Variants in CCDC22 observed in about 807,000 individuals in gnomAD.
CCDC22 encodes the protein CCC complex scaffolding subunit CCDC22, also known as coiled-coil domain-containing protein 22.
In CCDC22, 4 loss-of-function variants were observed where a neutral mutation model predicts 53.1. The observed-to-expected ratio is 0.08, with a 90% CI of 0.04 to 0.17. CCDC22 has a LOEUF of 0.17. CCDC22 is among the 10% of genes least tolerant of loss of function. The probability of loss-of-function intolerance (pLI) is 1.00; values close to 1 mark genes in which losing one functional copy is unlikely to be tolerated. For missense variants in CCDC22, 458 were observed against 554.0 expected, an observed-to-expected ratio of 0.83 and a Z score of 1.74; for synonymous variants, 222 against 224.4, an observed-to-expected ratio of 0.99 and a Z score of 0.10.
At chrX:49,247,979 T>C (rs782761441) in intron 9 of CCDC22, among the ~76,000 whole-genome samples, 1 of 110,422 alleles carries the variant, frequency 9.1e-6, no homozygotes, top group East Asian at 2.9e-4. Flanking sequence ...GCACCGCGGG[T>C]CTGCATGGGC....
Position 49,248,245 on chromosome X carries a change from C to T in CCDC22, c.1147C>T (p.Leu383=). The T allele has an allele frequency of 1.7e-6, 2 of 1,205,614 alleles. No homozygotes were observed. The highest frequency in any genetic ancestry group is 2.2e-6 in the Non-Finnish European group (2 of 894,702). ...KLSTAEREQA[L]RLKSRAVELL... is the part of the protein sequence containing the mutation. ...CAGTACAGCAGAGCGTGAGCAGGCCCTGCGCCTGAAGAGCCGCGCGGTGGA... is the reference window on the plus strand; with the variant it reads ...CAGTACAGCAGAGCGTGAGCAGGCCTTGCGCCTGAAGAGCCGCGCGGTGGA... The change falls in exon 10 of 17, where the codon CTG becomes TTG. Residue 383 remains leucine (L), a synonymous_variant. Transcript: ENST00000376227.
In CCDC22 at chrX:49,242,118, G is replaced by A. The variant is rs1179864610; in HGVS notation, c.331G>A (p.Asp111Asn). The A allele has an allele frequency of 1.7e-6, 2 of 1,210,642 alleles. No individual in the cohort carries two copies. The highest frequency in any genetic ancestry group is 2.2e-6 in the Non-Finnish European group (2 of 895,087). The stretch of plus-strand genomic sequence containing the variant: ...CTTCTTGGCTGAGCGTCTGCCCACC[G>A]ATGCCTCTGAGGATGCAGACCAGCC... The part of the protein sequence containing the change: ...LLFLAERLPT[D>N]ASEDADQPAG... Residue 111 changes from aspartate to asparagine, a missense_variant, in exon 3 of 17, where the codon GAT becomes AAT. This residue lies in a region of CCDC22 where 55 missense variants were observed against 106.0 expected (regional missense o/e 0.52). Coordinates refer to ENST00000376227, the MANE Select transcript of CCDC22 (RefSeq NM_014008.5).
chrX:49,236,225 C>T (rs1465062437), intron 1 of CCDC22, among the ~76,000 whole-genome samples: 1 of 106,476 alleles, frequency 9.4e-6, no homozygotes, highest in Non-Finnish European at 1.9e-5. Flanking sequence ...TTTCCTTTTC[C>T]GAGATGGAGT....
intron 2 of CCDC22, among the ~76,000 whole-genome samples, chrX:49,238,153 T>C (rs1465543064): frequency 1.9e-5 from 2 of 104,249 alleles, no homozygotes; most frequent in African/African-American, 7.1e-5. Flanking sequence ...AGCTCACGGC[T>C]CACTGCAACC....
rs782654512 is a variant in CCDC22 at position 49,237,315 on chromosome X, A to G, written c.228+52A>G. On this transcript the variant is annotated intron_variant, in intron 2 of 16. Transcript: ENST00000376227. ...CATCCTCTTTCTTCCTCTTTTACAA[A>G]GTAACCAAGTTCCTTTGCAACACTT... is the stretch of plus-strand genomic sequence containing the variant. The G allele has an allele frequency of 5.5e-6, 6 of 1,089,076 alleles. No homozygotes were observed. In the South Asian group the frequency reaches 1.2e-4, roughly 22 times the overall value. 89.8% of individuals were successfully genotyped at this position (1,089,076 alleles called of 1,213,427 possible).
chrX:49,238,393 T>A (rs2065948577), intron 2 of CCDC22, among the ~76,000 whole-genome samples: 1 of 111,531 alleles, frequency 9.0e-6, no homozygotes, highest in African/African-American at 3.3e-5. Flanking sequence ...CGGTCATTCC[T>A]ATAGGACACT....
chrX:49,247,910 G>A (rs1380517862), intron 9 of CCDC22, 142 bp downstream of exon 9: 150 of 850,272 alleles, frequency 1.8e-4, no homozygotes, highest in Non-Finnish European at 1.6e-4. Context: ...GGATCTGTGG[G>A]CCTCTTGAGG....
At chrX:49,236,935 G>T in intron 1 of CCDC22, 151 bp from the exon 2 acceptor site, 1 of 402,537 alleles carries the variant, frequency 2.5e-6, no homozygotes. Context: ...TTTCCAAATG[G>T]AAGTCACAGT....
chrX:49,248,549 G>A, intron 11 of CCDC22, 26 bp downstream of exon 11: 1 of 1,192,363 alleles, frequency 8.4e-7, no homozygotes, highest in Non-Finnish European at 1.1e-6. Context: ...CTGGGCTGTG[G>A]GCGGGCCAGG....
At position 49,248,307 on chromosome X, in the gene CCDC22, G is replaced by C; in HGVS notation, c.1209G>C (p.Leu403=). 8.3e-7 allele frequency: 1 copy of C among 1,199,173 alleles called. No individual in the cohort carries two copies. Among genetic ancestry groups the C allele is most frequent in the East Asian group, 3.0e-5 (1 of 33,442 alleles). The part of the protein sequence containing the change: ...LPDGTANLAK[L]QLVVENSAQR... ...ATGGGACTGCCAACCTTGCCAAGCT[G>C]CAGGTGGGGTTGGGGCTGTAGCTGG... The change falls in exon 10 of 17, where the codon CTG becomes CTC. Residue 403 remains leucine, a synonymous_variant. Coordinates refer to ENST00000376227, the MANE Select transcript of CCDC22 (RefSeq NM_014008.5).
chrX:49,243,419 G>T lies in CCDC22; in HGVS notation c.671G>T (p.Gly224Val). The T allele has an allele frequency of 8.3e-7, 1 of 1,201,271 alleles. No homozygotes were observed. Among genetic ancestry groups the T allele is most frequent in the Non-Finnish European group, 1.1e-6 (1 of 890,362 alleles). ...LCQQTGRDRP[G>V]DEDWVHRTSR... is the part of the protein sequence containing the mutation. ...CAGCAGACGGGCCGGGACCGGCCAG[G>T]GGATGAGGACTGGGTCCACCGGACA... The change falls in exon 6 of 17, where the codon GGG becomes GTG. Residue 224 changes from glycine (G) to valine (V), a missense_variant. By Grantham distance (109) the Gly-to-Val change is moderately radical. Transcript: ENST00000376227.
rs782453131 is a variant in CCDC22, at chrX:49,249,641, T to A, written c.1696-10T>A. 8.3e-7 allele frequency: 1 copy of A among 1,210,183 alleles called. No individual in the cohort carries two copies. Among genetic ancestry groups the A allele is most frequent in the Non-Finnish European group, 1.1e-6 (1 of 894,773 alleles). On this transcript the variant is annotated splice_polypyrimidine_tract_variant and intron_variant, in intron 15 of 16. Transcript: ENST00000376227. ...ACTGGGTGCAAGCCTTCTGCTCCTG[T>A]TGTCCCCAGAACTGCAGCCAGCTCA...
At chrX:49,241,934 G>A in intron 2 of CCDC22, 82 bp from the exon 3 acceptor site, 1 of 1,093,714 alleles carries the variant, frequency 9.1e-7, no homozygotes, top group Non-Finnish European at 1.3e-6. Flanking sequence ...GTGAGAAAGT[G>A]GGAGCGTTTT....
intron 1 of CCDC22, among the ~76,000 whole-genome samples, chrX:49,236,739 T>C (rs913355444): frequency 9.0e-6 from 1 of 111,579 alleles, no homozygotes; most frequent in Non-Finnish European, 1.9e-5. Flanking sequence ...CTCAAAACTC[T>C]AGCAGCTCAA....
chrX:49,245,653 G>T (rs782196140), intron 6 of CCDC22, among the ~76,000 whole-genome samples: 5 of 112,590 alleles, frequency 4.4e-5, no homozygotes, highest in African/African-American at 1.3e-4. Context: ...TTACAGGCGT[G>T]AGCCACCACG....
chrX:49,235,531 C>T lies in CCDC22; in HGVS notation c.-106C>T, dbSNP rs782361579. The stretch of plus-strand genomic sequence containing the variant: ...ACTTTCCAACTCTCCCCACACGACC[C>T]GTGACACTCTGTGGACCGCGAGCAC... On this transcript the variant is annotated 5_prime_UTR_variant, in exon 1 of 17. Coordinates refer to ENST00000376227, the MANE Select transcript of CCDC22 (RefSeq NM_014008.5). The T allele has an allele frequency of 6.8e-4, 502 of 741,745 alleles. 2 individuals are homozygous for T. The highest frequency in any genetic ancestry group is 4.5e-3 in the East Asian group (128 of 28,713). 61.1% of individuals were successfully genotyped at this position (741,745 alleles called of 1,213,427 possible).
chrX:49,241,294 C>A (rs1217926913), intron 2 of CCDC22, among the ~76,000 whole-genome samples: 1 of 110,058 alleles, frequency 9.1e-6, no homozygotes, highest in Non-Finnish European at 1.9e-5. Context: ...TTGAGACCAG[C>A]CTGGCCAACA....
intron 6 of CCDC22, among the ~76,000 whole-genome samples, chrX:49,244,321 C>T (rs1160896694): frequency 1.8e-5 from 2 of 109,964 alleles, no homozygotes; most frequent in Non-Finnish European, 3.8e-5. Context: ...TCTCTGTGCA[C>T]CTTTTTATCT....
intron 2 of CCDC22, 58 bp downstream of exon 2, chrX:49,237,321 C>A: frequency 9.4e-7 from 1 of 1,063,269 alleles, no homozygotes; most frequent in Admixed American, 2.4e-5. Flanking sequence ...ACAAAGTAAC[C>A]AAGTTCCTTT....
Sources: allele counts gnomAD v4.1 joint callset (sites outside exome capture counted in the v4.1 genomes callset), GRCh38; gene constraint gnomAD v4.1.1; regional missense constraint gnomAD v4.1.1; transcripts MANE v1.5; gene names NCBI Gene and HGNC (gene_info 2026-07-23, HGNC 2026-07-21).